The following COL4A1 variants were observed in gnomAD, a reference collection of about 807,000 sequenced individuals.
COL4A1 encodes collagen alpha-1(IV) chain.
A neutral mutation model predicts 216.6 loss-of-function variants in COL4A1; 40 were observed. That is an observed-to-expected ratio of 0.18 (90% CI 0.14 to 0.24). COL4A1 has a LOEUF of 0.24. Ranked by LOEUF, COL4A1 falls within the 10% of genes least tolerant of loss-of-function variation. COL4A1 has a pLI of 1.00. For synonymous variants in COL4A1, 839 were observed against 810.7 expected (o/e 1.03, Z -0.59); for missense variants, 1,628 against 2,196.8 (o/e 0.74, Z 5.18).
chr13:110,243,089 C>A (rs1881636084), intron 1 of COL4A1, among the ~76,000 whole-genome samples: 1 of 152,176 alleles, frequency 6.6e-6, no homozygotes, highest in African/African-American at 2.4e-5. Flanking sequence ...GCAAAGCTAC[C>A]CAAATGTCAT....
chr13:110,176,244 A>T (rs559314248), intron 36 of COL4A1, among the ~76,000 whole-genome samples, 180 bp downstream of exon 36: 1 of 152,238 alleles, frequency 6.6e-6, no homozygotes, highest in Non-Finnish European at 1.5e-5. Flanking sequence ...CCATTCTGTC[A>T]GCCAAATGTC....
chr13:110,174,328 G>A, intron 39 of COL4A1, 118 bp downstream of exon 39: 1 of 1,102,092 alleles, frequency 9.1e-7, no homozygotes, highest in Non-Finnish European at 1.4e-6. Flanking sequence ...TCTGAAGATG[G>A]GAGACAGGAC....
intron 17 of COL4A1, 132 bp from the exon 18 acceptor site, chr13:110,203,739 T>C: frequency 1.1e-6 from 1 of 882,366 alleles, no homozygotes; most frequent in South Asian, 1.4e-5. Flanking sequence ...CTCTCTTTAA[T>C]ATCTCTCATT....
chr13:110,248,361 G>A (rs1445573855), intron 1 of COL4A1, among the ~76,000 whole-genome samples: 1 of 46,440 alleles, frequency 2.2e-5, no homozygotes, highest in Non-Finnish European at 4.1e-5. Flanking sequence ...AGCCGCCTCC[G>A]CTGTAGCTGG....
chr13:110,155,202 T>A, intron 50 of COL4A1, 81 bp downstream of exon 50: 1 of 971,650 alleles, frequency 1.0e-6, no homozygotes, highest in East Asian at 2.4e-5. Flanking sequence ...AACTCCAAGG[T>A]GTGGAGGCAC....
chr13:110,188,116 A>G (rs1347330241), intron 24 of COL4A1, among the ~76,000 whole-genome samples: 1 of 152,220 alleles, frequency 6.6e-6, no homozygotes, highest in Non-Finnish European at 1.5e-5. Context: ...GCATCCTGAG[A>G]CTTGGGTTTC....
At chr13:110,204,732 G>T (rs1055491685) in intron 17 of COL4A1, among the ~76,000 whole-genome samples, 3 of 151,104 alleles carry the variant, frequency 2.0e-5, no homozygotes, top group African/African-American at 7.3e-5. Context: ...GGTTGCATGT[G>T]GCAAAAATTT....
At chr13:110,159,789 T>C (rs1876982704) in intron 49 of COL4A1, among the ~76,000 whole-genome samples, 1 of 152,204 alleles carries the variant, frequency 6.6e-6, no homozygotes, top group African/African-American at 2.4e-5. Context: ...AAAGAAATCC[T>C]ATCACATGCT....
At chr13:110,195,909 G>A (rs916557498) in intron 21 of COL4A1, among the ~76,000 whole-genome samples, 1 of 152,150 alleles carries the variant, frequency 6.6e-6, no homozygotes, top group Non-Finnish European at 1.5e-5. Context: ...TAATGACAAA[G>A]TCATGGGCAG....
intron 40 of COL4A1, among the ~76,000 whole-genome samples, chr13:110,173,295 G>A (rs911868684): frequency 7.5e-6 from 1 of 132,630 alleles, no homozygotes; most frequent in African/African-American, 4.3e-5. Flanking sequence ...TGAAAAGAAA[G>A]CCAGCACCAA....
intron 1 of COL4A1, among the ~76,000 whole-genome samples, chr13:110,245,699 C>T (rs1339267861): frequency 6.6e-6 from 1 of 152,208 alleles, no homozygotes; most frequent in East Asian, 1.9e-4. Flanking sequence ...CTTAAGCCAT[C>T]CGTGAATGCT....
chr13:110,306,854 G>A, intron 1 of COL4A1, 90 bp downstream of exon 1: 2 of 1,237,116 alleles, frequency 1.6e-6, no homozygotes, highest in South Asian at 2.0e-5. Context: ...CCGAGGGGCA[G>A]GCGGACGGGT....
At chr13:110,218,135 A>T (rs1359662711) in intron 2 of COL4A1, among the ~76,000 whole-genome samples, 2 of 152,242 alleles carry the variant, frequency 1.3e-5, no homozygotes, top group Non-Finnish European at 2.9e-5. Flanking sequence ...GGGGGAAAAT[A>T]TAATTACCAA....
chr13:110,300,674 C>T (rs1277863105), intron 1 of COL4A1, among the ~76,000 whole-genome samples: 3 of 152,194 alleles, frequency 2.0e-5, no homozygotes, highest in East Asian at 1.9e-4. Context: ...TTCCAGCTCA[C>T]GGCCAGTATC....
At chr13:110,221,045 A>C (rs1880454610) in intron 2 of COL4A1, among the ~76,000 whole-genome samples, 2 of 152,222 alleles carry the variant, frequency 1.3e-5, no homozygotes, top group Admixed American at 6.5e-5. Flanking sequence ...GTCCATGTTC[A>C]AGGAGAGATT....
chr13:110,281,727 A>G (rs1039994427), intron 1 of COL4A1, among the ~76,000 whole-genome samples: 2 of 152,212 alleles, frequency 1.3e-5, no homozygotes, highest in Admixed American at 1.3e-4. Flanking sequence ...GAATTTTCAC[A>G]AAATAAGGGA....
At chr13:110,182,517 G>A (rs1323576947) in intron 28 of COL4A1, among the ~76,000 whole-genome samples, 1 of 152,136 alleles carries the variant, frequency 6.6e-6, no homozygotes, top group Non-Finnish European at 1.5e-5. Flanking sequence ...TGAAAAGCAG[G>A]GGGAAAAGAA....
intron 11 of COL4A1, 85 bp from the exon 12 acceptor site, chr13:110,208,975 A>G: frequency 7.4e-7 from 1 of 1,355,128 alleles, no homozygotes; most frequent in Admixed American, 1.7e-5. Context: ...AAATGCAATA[A>G]GATGGTAGAT....
intron 20 of COL4A1, 120 bp downstream of exon 20, chr13:110,200,734 C>A (rs78100269): frequency 9.2e-6 from 10 of 1,090,814 alleles, no homozygotes; most frequent in South Asian, 1.3e-5. Context: ...GAAAAGATGT[C>A]GTAAGATTGC....
Sources: gnomAD v4.1 joint callset for allele counts (sites outside exome capture counted in the v4.1 genomes callset) on GRCh38, gnomAD v4.1.1 for gene constraint, MANE v1.5 for transcripts, NCBI Gene and HGNC (gene_info 2026-07-23, HGNC 2026-07-21) for gene names.